Variants in KLF12 observed in about 807,000 individuals in gnomAD.
The protein encoded by KLF12 is KLF transcription factor 12.
In KLF12, 9 loss-of-function variants were observed where a neutral mutation model predicts 37.8. The ratio of observed to expected loss-of-function variants is 0.24; its 90% CI spans 0.14 to 0.42. KLF12 has a LOEUF of 0.42. Among genes scored for constraint, KLF12 ranks in the 10% least tolerant of loss-of-function variants. KLF12 has a pLI of 1.00. For synonymous variants in KLF12, 208 were observed against 202.1 expected (o/e 1.03, Z -0.25); for missense variants, 411 against 516.0 (o/e 0.80, Z 1.97).
chr13:74,156,343 G>T, the KLF12 span, among the ~76,000 whole-genome samples: 1 of 152,080 alleles, frequency 6.6e-6, no homozygotes, highest in South Asian at 2.1e-4. Flanking sequence ...TGGGATGAAG[G>T]AACCTGCTCT....
chr13:73,794,324 G>A (rs1881846514), intron 5 of KLF12, among the ~76,000 whole-genome samples: 1 of 152,200 alleles, frequency 6.6e-6, no homozygotes, highest in African/African-American at 2.4e-5. Context: ...AGCCAGGCGT[G>A]ATGGTATGCG....
intron 2 of KLF12, among the ~76,000 whole-genome samples, chr13:73,970,292 C>A (rs1012212400): frequency 1.3e-5 from 2 of 151,796 alleles, no homozygotes; most frequent in Non-Finnish European, 2.9e-5. Flanking sequence ...TATTATTAAC[C>A]TAATGACAAG....
At chr13:74,303,356 C>G in the KLF12 span, among the ~76,000 whole-genome samples, 1 of 152,136 alleles carries the variant, frequency 6.6e-6, no homozygotes, top group Non-Finnish European at 1.5e-5. Flanking sequence ...GCTTTCACAT[C>G]CACATTTTCT....
intron 1 of KLF12, among the ~76,000 whole-genome samples, chr13:74,019,061 T>C (rs796592813): frequency 2.6e-5 from 4 of 152,338 alleles, no homozygotes; most frequent in African/African-American, 9.6e-5. Context: ...TAATTTATAA[T>C]AACATATTAG....
intron 1 of KLF12, among the ~76,000 whole-genome samples, chr13:74,120,273 G>A (rs534665485): frequency 4.6e-5 from 7 of 152,256 alleles, no homozygotes; most frequent in Admixed American, 6.5e-5. Flanking sequence ...CCTGAGGTCC[G>A]GAGTTCAAGA....
chr13:74,045,532 T>C (rs535657413), intron 1 of KLF12, among the ~76,000 whole-genome samples: 13 of 151,990 alleles, frequency 8.6e-5, no homozygotes, highest in African/African-American at 3.1e-4. Flanking sequence ...CAAAAGGGAC[T>C]GCAGATGAAA....
At chr13:74,174,378 G>T in the KLF12 span, among the ~76,000 whole-genome samples, 1 of 148,198 alleles carries the variant, frequency 6.7e-6, no homozygotes, top group East Asian at 2.0e-4. Flanking sequence ...TGTTGCCCAG[G>T]CTGGAGTGCA....
intron 1 of KLF12, among the ~76,000 whole-genome samples, chr13:74,063,458 T>C (rs12871987): frequency 0.087 from 13,198 of 152,280 alleles, 763 homozygotes; most frequent in Non-Finnish European, 0.13. Context: ...ACAACCTTCA[T>C]ATTTCATTTA....
At chr13:73,733,625 C>T (rs11842980) in intron 6 of KLF12, among the ~76,000 whole-genome samples, 6,317 of 152,174 alleles carry the variant, frequency 0.042, 465 homozygotes, top group African/African-American at 0.14. Flanking sequence ...TTGTGAATAA[C>T]GCTGTTATGA....
At chr13:73,945,074 C>G (rs562394373) in intron 2 of KLF12, among the ~76,000 whole-genome samples, 2 of 152,268 alleles carry the variant, frequency 1.3e-5, no homozygotes, top group East Asian at 3.9e-4. Flanking sequence ...AAATCAGTTT[C>G]TAAATATTTT....
At chr13:74,167,610 A>C in the KLF12 span, among the ~76,000 whole-genome samples, 1 of 152,234 alleles carries the variant, frequency 6.6e-6, no homozygotes, top group Non-Finnish European at 1.5e-5. Flanking sequence ...TGGTACTGAA[A>C]TGAATCTCTC....
intron 4 of KLF12, among the ~76,000 whole-genome samples, chr13:73,816,971 G>C (rs1321187133): frequency 2.0e-5 from 3 of 152,074 alleles, no homozygotes; most frequent in Non-Finnish European, 2.9e-5. Flanking sequence ...AAACCTCTTG[G>C]CTAAACCCAT....
upstream of KLF12, among the ~76,000 whole-genome samples, chr13:74,138,869 C>G (rs1220694888): frequency 6.6e-6 from 1 of 152,160 alleles, no homozygotes; most frequent in African/African-American, 2.4e-5. Flanking sequence ...CATATTCATA[C>G]CTCATACTTT....
At chr13:73,884,048 A>G (rs1365120164) in intron 3 of KLF12, among the ~76,000 whole-genome samples, 6 of 152,220 alleles carry the variant, frequency 3.9e-5, no homozygotes, top group African/African-American at 4.8e-5. Context: ...CCACTATGTG[A>G]AAACTTTAAC....
chr13:74,098,470 T>C (rs1327085344), intron 1 of KLF12, among the ~76,000 whole-genome samples: 1 of 152,198 alleles, frequency 6.6e-6, no homozygotes, highest in African/African-American at 2.4e-5. Context: ...CTCATTCAGG[T>C]TCCTACCTCT....
intron 6 of KLF12, among the ~76,000 whole-genome samples, chr13:73,753,894 G>T (rs900635275): frequency 6.6e-6 from 1 of 152,082 alleles, no homozygotes; most frequent in African/African-American, 2.4e-5. Context: ...CTCTGATTGC[G>T]ATCCTCCCTT....
the KLF12 span, among the ~76,000 whole-genome samples, chr13:74,143,107 C>T: frequency 6.7e-6 from 1 of 149,554 alleles, no homozygotes. Flanking sequence ...TTGTTCTCCT[C>T]CTCCTCCTCT....
chr13:74,108,049 TTAC>T (rs1293217170), intron 1 of KLF12, among the ~76,000 whole-genome samples: 2 of 152,214 alleles, frequency 1.3e-5, no homozygotes, highest in Non-Finnish European at 2.9e-5. Context: ...CACATTATTT[TTAC>T]TACTTTACTT....
chr13:74,034,676 A>G (rs140655441), intron 1 of KLF12, among the ~76,000 whole-genome samples: 2 of 152,326 alleles, frequency 1.3e-5, no homozygotes, highest in Admixed American at 1.3e-4. Flanking sequence ...CCTTTTGTCT[A>G]TTACTCTGAT....
Sources: gnomAD v4.1 joint callset for allele counts (sites outside exome capture counted in the v4.1 genomes callset) on GRCh38, gnomAD v4.1.1 for gene constraint, MANE v1.5 for transcripts, NCBI Gene and HGNC (gene_info 2026-07-23, HGNC 2026-07-21) for gene names.